The following SPTBN1 variants were observed in gnomAD, a reference collection of about 807,000 sequenced individuals.
The protein encoded by SPTBN1 is spectrin beta chain, non-erythrocytic 1.
SPTBN1 carries 32 observed loss-of-function variants against 266.4 expected under a neutral mutation model. The observed-to-expected ratio is 0.12, with a 90% confidence interval of 0.09 to 0.16. The LOEUF (loss-of-function observed/expected upper bound fraction) is 0.16, where lower values mean the gene tolerates loss of function less well. SPTBN1 is among the 10% of genes least tolerant of loss of function. The pLI is 1.00. For synonymous variants in SPTBN1, 1,336 were observed against 1,162.2 expected (o/e 1.15, Z -3.04); for missense variants, 2,296 against 3,067.1 (o/e 0.75, Z 5.94).
chr2:54,558,872 T>C lies in SPTBN1; in HGVS notation c.148+32306T>C. The C allele has an allele frequency of 6.2e-7, 1 of 1,613,636 alleles. No homozygotes were observed. The highest frequency in any genetic ancestry group is 8.5e-7 in the Non-Finnish European group (1 of 1,179,708). On this transcript the variant is annotated intron_variant, in intron 2 of 35. Transcript: ENST00000356805. This position sits in a 1 kb window ranked among gnomAD's most constrained non-coding sequence, Gnocchi z 4.6. ...CAACTACAACCAGCTGGAAGGCAGA[T>C]TCAAGCAGCTGCAAGGTAAGCCCCC...
intron 2 of SPTBN1, among the ~76,000 whole-genome samples, chr2:54,575,211 T>G (rs1015142300): frequency 6.6e-5 from 10 of 152,224 alleles, no homozygotes; most frequent in Non-Finnish European, 1.5e-4. Context: ...TTCTTGGAGA[T>G]TCAGCCACAT....
rs1015471402 is a variant in SPTBN1 at position 54,669,877 on chromosome 2, C to T, written c.*1308C>T. On this transcript the variant is annotated 3_prime_UTR_variant, in exon 36 of 36. Transcript: ENST00000356805. ...ACTGTTTTGTAGTTATACATTCAGG[C>T]TTTATCTTTTATTTATGAAAAAGTT... The T allele has an allele frequency of 4.6e-5, 7 of 152,180 alleles. No homozygotes were observed. The highest frequency in any genetic ancestry group is 4.6e-4 in the Admixed American group (7 of 15,284). The allele number at this position is 152,180 out of a possible 1,614,324, so 9.4% of individuals were successfully genotyped here.
rs368730014 is a variant in SPTBN1 at position 54,649,148 on chromosome 2, C to T, written c.5160C>T (p.Val1720=). 62 of 1,611,380 alleles carry T rather than the reference C, an allele frequency of 3.8e-5. No individual in the cohort carries two copies. The highest frequency in any genetic ancestry group is 5.3e-5 in the African/African-American group (4 of 74,834). Residue 1720 remains valine (V), a synonymous_variant, in exon 25 of 36, where the codon GTC becomes GTT. Transcript: ENST00000356805. The surrounding 1 kb of genome is among the most constrained non-coding windows in gnomAD (Gnocchi z 6.7). The part of the protein sequence containing the change: ...LEQWIAEREV[V]AGSHELGQDY... ...AGTGGATCGCTGAGAGGGAGGTGGT[C>T]GCAGGGTCCCATGAACTGGGACAGG... is the stretch of plus-strand genomic sequence containing the variant.
intron 34 of SPTBN1, among the ~76,000 whole-genome samples, chr2:54,666,370 TAAAG>T (rs1681370009): frequency 6.6e-6 from 1 of 152,214 alleles, no homozygotes; most frequent in South Asian, 2.1e-4. Flanking sequence ...CCCTAAGACT[TAAAG>T]AGAGCTAGTC....
chr2:54,569,377 T>G (rs1253210549), intron 2 of SPTBN1, among the ~76,000 whole-genome samples: 2 of 152,204 alleles, frequency 1.3e-5, no homozygotes, highest in Non-Finnish European at 2.9e-5. Context: ...ATACTTTTTA[T>G]ATATTTATTA....
Position 54,655,940 on chromosome 2 carries a change from G to A in SPTBN1, c.5988G>A (p.Thr1996=), listed in dbSNP as rs367983027. 8.1e-4 allele frequency: 1,301 copies of A among 1,613,102 alleles called. 17 individuals are homozygous for A. The South Asian group carries it at 0.013, about 17-fold the overall frequency. ...EEIKEKLLQL[T]EKRKEMIDKW... is the part of the protein sequence containing the mutation. ...TCAAGGAAAAATTACTGCAGTTGAC[G>A]GAAAAGAGGAAAGAAATGATCGACA... The change falls in exon 29 of 36, where the codon ACG becomes ACA. Residue 1996 remains threonine, a synonymous_variant. Coordinates refer to ENST00000356805, the MANE Select transcript of SPTBN1 (RefSeq NM_003128.3).
At chr2:54,615,658 C>T (rs956437851) in intron 4 of SPTBN1, among the ~76,000 whole-genome samples, 32 of 152,320 alleles carry the variant, frequency 2.1e-4, no homozygotes, top group African/African-American at 7.5e-4. Context: ...CACATCCAGG[C>T]AGTCTGACTT....
In SPTBN1 at chr2:54,558,835, G is replaced by T. The variant is rs1673070620; in HGVS notation, c.148+32269G>T. ...GGCCGCTGTCGCCGGCGTACACGGG[G>T]CAGGTGCCTTACAACTACAACCAGC... is the stretch of plus-strand genomic sequence containing the variant. On this transcript the variant is annotated intron_variant, in intron 2 of 35. Coordinates refer to ENST00000356805, the MANE Select transcript of SPTBN1 (RefSeq NM_003128.3). This position sits in a 1 kb window ranked among gnomAD's most constrained non-coding sequence, Gnocchi z 4.6. 6.2e-7 allele frequency: 1 copy of T among 1,613,930 alleles called. No homozygotes were observed. The highest frequency in any genetic ancestry group is 8.5e-7 in the Non-Finnish European group (1 of 1,179,878).
At chr2:54,535,950 G>C (rs1021801075) in intron 2 of SPTBN1, among the ~76,000 whole-genome samples, 1 of 152,214 alleles carries the variant, frequency 6.6e-6, no homozygotes, top group Non-Finnish European at 1.5e-5. Flanking sequence ...AATCTGGGAG[G>C]CGGAAGTTGC....
At chr2:54,499,721 A>G (rs1464902748) in intron 1 of SPTBN1, among the ~76,000 whole-genome samples, 1 of 152,250 alleles carries the variant, frequency 6.6e-6, no homozygotes, top group Non-Finnish European at 1.5e-5. Flanking sequence ...TCTGGTAGAT[A>G]AAGCTTCAGA....
rs538294753 is a variant in SPTBN1, at chr2:54,508,520, G to A, written c.-47-17852G>A. On this transcript the variant is annotated intron_variant, in intron 1 of 35. Transcript: ENST00000356805. ...AGGAAATGAGAGGTTCTAAGAGGTG[G>A]GCTAGCGGGTTCTAAGAGGCGGGCT... Among the ~76,000 whole-genome samples the A allele has an allele frequency of 2.8e-4, 39 of 141,522 alleles. 1 individual carries two copies. The highest frequency in any genetic ancestry group is 1.2e-3 in the African/African-American group (38 of 31,386). 92.8% of individuals were successfully genotyped at this position (141,522 alleles called of 152,430 possible). A position where few individuals can be genotyped will look rare whatever the true frequency, so the allele number is the denominator to read the frequency against.
chr2:54,666,058 A>T lies in SPTBN1; in HGVS notation c.6803A>T (p.Tyr2268Phe). Reference protein sequence around the residue: ...KEAVCEVALDYKKKKHVFKLR... With the variant: ...KEAVCEVALDFKKKKHVFKLR... ...GCTGTCTGCGAAGTGGCCCTTGATTACAAAAAGAAGAAACACGTATTCAAG... is the reference window on the plus strand; with the variant it reads ...GCTGTCTGCGAAGTGGCCCTTGATTTCAAAAAGAAGAAACACGTATTCAAG... Residue 2268 changes from tyrosine to phenylalanine, a missense_variant, in exon 34 of 36, where the codon TAC becomes TTC. Physicochemically the swap from Tyr to Phe is conservative, Grantham distance 22. Around this residue, in one of 12 missense-constraint regions of SPTBN1, gnomAD observed 347 missense variants for 368.5 expected, o/e 0.94. Coordinates refer to ENST00000356805, the MANE Select transcript of SPTBN1 (RefSeq NM_003128.3). 1 of 1,612,648 alleles carries T rather than the reference A, an allele frequency of 6.2e-7. No individual in the cohort carries two copies. The highest frequency in any genetic ancestry group is 8.5e-7 in the Non-Finnish European group (1 of 1,179,618).
intron 1 of SPTBN1, among the ~76,000 whole-genome samples, chr2:54,467,678 C>G (rs1311107456): frequency 6.6e-6 from 1 of 152,090 alleles, no homozygotes; most frequent in Non-Finnish European, 1.5e-5. Context: ...AGCCACCGCG[C>G]CTGGCCAGGA....
At chr2:54,521,874 T>C (rs1165940601) in intron 1 of SPTBN1, among the ~76,000 whole-genome samples, 4 of 152,082 alleles carry the variant, frequency 2.6e-5, no homozygotes, top group African/African-American at 9.7e-5. Flanking sequence ...TTTGGATACT[T>C]TGACTTCCCA....
chr2:54,461,686 G>A (rs1693377459), intron 1 of SPTBN1, among the ~76,000 whole-genome samples: 1 of 152,170 alleles, frequency 6.6e-6, no homozygotes, highest in South Asian at 2.1e-4. Context: ...TGATTATTGA[G>A]TTTGAATGTC....
At chr2:54,529,670 A>C (rs1288946225) in intron 2 of SPTBN1, 5 of 720,818 alleles carry the variant, frequency 6.9e-6, no homozygotes, top group Non-Finnish European at 1.3e-5. Context: ...CAAGCACCAG[A>C]TCAAACAGGC....
chr2:54,566,216 TG>T (rs1673650210), intron 2 of SPTBN1, among the ~76,000 whole-genome samples: 1 of 139,032 alleles, frequency 7.2e-6, no homozygotes, highest in South Asian at 2.3e-4. Context: ...TGAGATGGAG[TG>T]TCACTGTGTC....
At chr2:54,491,538 C>A (rs918386053) in intron 1 of SPTBN1, among the ~76,000 whole-genome samples, 1 of 152,096 alleles carries the variant, frequency 6.6e-6, no homozygotes, top group Admixed American at 6.6e-5. Context: ...GCTTTGTAAT[C>A]ATAAACATTT....
Position 54,649,149 on chromosome 2 carries a change from G to A in SPTBN1, c.5161G>A (p.Ala1721Thr). 3 of 1,611,300 alleles carry A rather than the reference G, an allele frequency of 1.9e-6. No individual in the cohort carries two copies. The highest frequency in any genetic ancestry group is 1.1e-5 in the South Asian group (1 of 90,980). Reference sequence around the variant, plus strand: ...GTGGATCGCTGAGAGGGAGGTGGTCGCAGGGTCCCATGAACTGGGACAGGA... The same window carrying A: ...GTGGATCGCTGAGAGGGAGGTGGTCACAGGGTCCCATGAACTGGGACAGGA... ...EQWIAEREVVAGSHELGQDYE... is the reference protein window; with the variant it reads ...EQWIAEREVVTGSHELGQDYE... The change falls in exon 25 of 36, where the codon GCA (alanine) becomes ACA (threonine). Residue 1721 changes from alanine (A) to threonine (T), a missense_variant. Transcript: ENST00000356805. The surrounding 1 kb of genome is among the most constrained non-coding windows in gnomAD (Gnocchi z 6.7).
Sources: allele counts gnomAD v4.1 joint callset (sites outside exome capture counted in the v4.1 genomes callset), GRCh38; gene constraint gnomAD v4.1.1; regional missense constraint gnomAD v4.1.1; non-coding constraint Gnocchi (gnomAD v3.1); transcripts MANE v1.5; gene names NCBI Gene and HGNC (gene_info 2026-07-23, HGNC 2026-07-21).